ZBTB38: variants seen among roughly 807,000 people sequenced by gnomAD.
The protein encoded by ZBTB38 is zinc finger and BTB domain-containing protein 38.
ZBTB38 carries 20 observed loss-of-function variants against 76.8 expected under a neutral mutation model. That is an observed-to-expected ratio of 0.26 (90% CI 0.18 to 0.38). ZBTB38 has a LOEUF of 0.38. Ranked by LOEUF, ZBTB38 falls within the 10% of genes least tolerant of loss-of-function variation. The pLI is 1.00. For missense variants in ZBTB38, 1,082 were observed against 1,482.3 expected (o/e 0.73, Z 4.43); for synonymous variants, 504 against 544.2 (o/e 0.93, Z 1.03).
At chr3:141,374,695 T>C (rs1194544025) in intron 2 of ZBTB38, among the ~76,000 whole-genome samples, 2 of 152,222 alleles carry the variant, frequency 1.3e-5, no homozygotes, top group Non-Finnish European at 2.9e-5. Context: ...CATTTAACAT[T>C]ATGTTGTAAA....
At chr3:141,349,121 C>T (rs944908089) in intron 1 of ZBTB38, among the ~76,000 whole-genome samples, 1 of 152,042 alleles carries the variant, frequency 6.6e-6, no homozygotes, top group Non-Finnish European at 1.5e-5. Context: ...CCAGACAGGC[C>T]CTCCTCTACC....
At chr3:141,353,964 G>C (rs1342442043) in intron 1 of ZBTB38, among the ~76,000 whole-genome samples, 1 of 152,112 alleles carries the variant, frequency 6.6e-6, no homozygotes, top group Non-Finnish European at 1.5e-5. Flanking sequence ...GCCACCTTAT[G>C]AAGTCAACAC....
chr3:141,417,138 C>T (rs1476908916), intron 5 of ZBTB38, among the ~76,000 whole-genome samples: 1 of 152,192 alleles, frequency 6.6e-6, no homozygotes, highest in East Asian at 1.9e-4. Context: ...TAAGGGTCTG[C>T]AGGTGGTTCT....
intron 1 of ZBTB38, among the ~76,000 whole-genome samples, chr3:141,354,487 T>C (rs1943606138): frequency 6.6e-6 from 1 of 152,010 alleles, no homozygotes; most frequent in Non-Finnish European, 1.5e-5. Flanking sequence ...CCCTCCTCTC[T>C]CTCCCAGCTG....
Position 141,445,533 on chromosome 3 carries a change from G to A in ZBTB38, c.3145G>A (p.Val1049Met). The A allele has an allele frequency of 6.2e-7, 1 of 1,614,206 alleles. No individual in the cohort carries two copies. Among genetic ancestry groups the A allele is most frequent in the African/African-American group, 1.3e-5 (1 of 75,036 alleles). ...QCKTCGRCFS[V>M]QGNLQKHERI... ...CAAGACCTGCGGACGGTGCTTTTCG[G>A]TGCAAGGAAACTTACAGAAACATGA... Residue 1049 changes from valine (V) to methionine (M), a missense_variant, in exon 6 of 6, where the codon GTG becomes ATG. Physicochemically the swap from Val to Met is conservative, Grantham distance 21. This residue lies in a region of ZBTB38 where 69 missense variants were observed against 148.2 expected (regional missense o/e 0.47). Coordinates refer to ENST00000321464, the MANE Select transcript of ZBTB38 (RefSeq NM_001376113.1). This position sits in a 1 kb window ranked among gnomAD's most constrained non-coding sequence, Gnocchi z 6.5.
At chr3:141,340,949 G>GAAAAGAAAAGAAAAGAAAGAAGGAAA (rs1943165885) in intron 1 of ZBTB38, among the ~76,000 whole-genome samples, 2 of 111,928 alleles carry the variant, frequency 1.8e-5, no homozygotes, top group African/African-American at 8.3e-5. Flanking sequence ...AAAGAAAGAA[G>GAAAAGAAAAGAAAAGAAAGAAGGAAA]GAAAGAAAGA....
At chr3:141,340,650 C>T (rs188913125) in intron 1 of ZBTB38, among the ~76,000 whole-genome samples, 1 of 152,272 alleles carries the variant, frequency 6.6e-6, no homozygotes, top group Non-Finnish European at 1.5e-5. Flanking sequence ...GTAATCCCAG[C>T]ACTTTGGGAG....
intron 1 of ZBTB38, among the ~76,000 whole-genome samples, chr3:141,355,375 T>C (rs570765515): frequency 4.6e-5 from 7 of 152,228 alleles, no homozygotes; most frequent in Non-Finnish European, 1.0e-4. Context: ...ACAGGAGCCC[T>C]AGTCTTTCAC....
At chr3:141,397,873 T>G (rs1460746891) in intron 4 of ZBTB38, among the ~76,000 whole-genome samples, 1 of 152,146 alleles carries the variant, frequency 6.6e-6, no homozygotes, top group African/African-American at 2.4e-5. Flanking sequence ...ATAATGATAA[T>G]GGAAAAGTTT....
chr3:141,363,874 T>C (rs529092519), upstream of ZBTB38, among the ~76,000 whole-genome samples: 2 of 152,244 alleles, frequency 1.3e-5, no homozygotes, highest in South Asian at 2.1e-4. Flanking sequence ...TATAAAACTC[T>C]CAGAAGAAAA....
Position 141,443,593 on chromosome 3 carries a change from C to G in ZBTB38, c.1205C>G (p.Pro402Arg). The change falls in exon 6 of 6, where the codon CCT (proline) becomes CGT (arginine). Residue 402 changes from proline (P) to arginine (R), a missense_variant. This residue lies in a region of ZBTB38 where 324 missense variants were observed against 359.1 expected (regional missense o/e 0.90). Coordinates refer to ENST00000321464, the MANE Select transcript of ZBTB38 (RefSeq NM_001376113.1). This position sits in a 1 kb window ranked among gnomAD's most constrained non-coding sequence, Gnocchi z 5.6. Reference protein sequence around the residue: ...ICMRSSHMPIPGGNQRFLENY... With the variant: ...ICMRSSHMPIRGGNQRFLENY... Reference sequence around the variant, plus strand: ...ATGAGGTCAAGCCACATGCCCATTCCTGGAGGAAACCAACGCTTTTTAGAA... The same window carrying G: ...ATGAGGTCAAGCCACATGCCCATTCGTGGAGGAAACCAACGCTTTTTAGAA... 1 of 1,614,226 alleles carries G rather than the reference C, an allele frequency of 6.2e-7. No individual in the cohort carries two copies. The highest frequency in any genetic ancestry group is 8.5e-7 in the Non-Finnish European group (1 of 1,180,050).
chr3:141,379,769 C>A (rs1018117954), intron 2 of ZBTB38, among the ~76,000 whole-genome samples: 6 of 152,232 alleles, frequency 3.9e-5, no homozygotes, highest in African/African-American at 1.4e-4. Context: ...CTTCAGCAGG[C>A]TAAACTTAGT....
In ZBTB38 at chr3:141,442,581, C is replaced by T. The variant is rs763219656; in HGVS notation, c.193C>T (p.His65Tyr). The T allele has an allele frequency of 6.2e-7, 1 of 1,614,208 alleles. No individual in the cohort carries two copies. The highest frequency in any genetic ancestry group is 2.2e-5 in the East Asian group (1 of 44,890). ...GTATTTTAAAAATATCTTTTGGAGCCATACAATCTGTATTTCCAGCCACGT... is the reference window on the plus strand; with the variant it reads ...GTATTTTAAAAATATCTTTTGGAGCTATACAATCTGTATTTCCAGCCACGT... ...SLYFKNIFWS[H>Y]TICISSHVLE... The change falls in exon 6 of 6, where the codon CAT becomes TAT. Residue 65 changes from histidine to tyrosine, a missense_variant. His to Tyr is a moderately conservative substitution (Grantham distance 83, BLOSUM62 2). This residue lies in a region of ZBTB38 where 68 missense variants were observed against 153.0 expected (regional missense o/e 0.44). Transcript: ENST00000321464. The surrounding 1 kb of genome is among the most constrained non-coding windows in gnomAD (Gnocchi z 6.4).
At chr3:141,334,821 C>T (rs1313220509) in intron 1 of ZBTB38, among the ~76,000 whole-genome samples, 1 of 152,170 alleles carries the variant, frequency 6.6e-6, no homozygotes, top group East Asian at 1.9e-4. Context: ...TGAGCTTTAA[C>T]AAAGAAGGAG....
intron 1 of ZBTB38, among the ~76,000 whole-genome samples, chr3:141,328,348 A>T (rs1431831700): frequency 2.0e-5 from 3 of 152,156 alleles, no homozygotes; most frequent in Non-Finnish European, 4.4e-5. Context: ...TGAATATCCC[A>T]CATGCACAGC....
At chr3:141,376,930 C>G (rs2149103588) in intron 2 of ZBTB38, among the ~76,000 whole-genome samples, 1 of 152,340 alleles carries the variant, frequency 6.6e-6, no homozygotes, top group Non-Finnish European at 1.5e-5. Context: ...ACCCTTGCCT[C>G]TCTACATTGA....
rs932076244 is a variant in ZBTB38, at chr3:141,448,791, C to T, written c.*2815C>T. 5.3e-5 allele frequency: 8 copies of T among 152,132 alleles called. No homozygotes were observed. Among genetic ancestry groups the T allele is most frequent in the Non-Finnish European group, 1.2e-4 (8 of 68,002 alleles). The allele number at this position is 152,132 out of a possible 1,614,324, so 9.4% of individuals were successfully genotyped here. A position where few individuals can be genotyped will look rare whatever the true frequency, so the allele number is the denominator to read the frequency against. ...CACAGCTTTGTTTCCACGTATTATT[C>T]AGTTTATTTCTGTTTCCTTACTTGT... On this transcript the variant is annotated 3_prime_UTR_variant, in exon 6 of 6. Coordinates refer to ENST00000321464, the MANE Select transcript of ZBTB38 (RefSeq NM_001376113.1).
At position 141,447,344 on chromosome 3, in the gene ZBTB38, C is replaced by T. The variant is rs766797961; in HGVS notation, c.*1368C>T. 5 of 152,568 alleles carry T rather than the reference C, an allele frequency of 3.3e-5. No individual in the cohort carries two copies. The highest frequency in any genetic ancestry group is 6.5e-5 in the Admixed American group (1 of 15,268). The allele number at this position is 152,568 out of a possible 1,614,324, so 9.5% of individuals were successfully genotyped here. A position where few individuals can be genotyped will look rare whatever the true frequency, so the allele number is the denominator to read the frequency against. On this transcript the variant is annotated 3_prime_UTR_variant, in exon 6 of 6. Transcript: ENST00000321464. ...AGAAATATATCTACAAAGCCAGATG[C>T]TCTGTCTTCATATTTGCAGACATCT... is the stretch of plus-strand genomic sequence containing the variant.
intron 1 of ZBTB38, among the ~76,000 whole-genome samples, chr3:141,334,736 T>C (rs1942968369): frequency 6.6e-6 from 1 of 152,100 alleles, no homozygotes; most frequent in Non-Finnish European, 1.5e-5. Context: ...CTGCATGCGC[T>C]ACATCCTGCT....
Sources: gnomAD v4.1 joint callset for allele counts (sites outside exome capture counted in the v4.1 genomes callset) on GRCh38, gnomAD v4.1.1 for gene constraint, gnomAD v4.1.1 regional missense constraint, Gnocchi (gnomAD v3.1) non-coding constraint, MANE v1.5 for transcripts, NCBI Gene and HGNC (gene_info 2026-07-23, HGNC 2026-07-21) for gene names.